The following LINS1 variants were observed in gnomAD, a reference collection of about 807,000 sequenced individuals.
LINS1 encodes the protein protein Lines homolog 1.
Under a neutral mutation model 41.6 loss-of-function variants are expected in LINS1, and 27 were observed. The observed-to-expected ratio is 0.65, with a 90% CI of 0.48 to 0.89. The LOEUF is 0.89. Ranked by LOEUF, LINS1 falls within the 40% of genes least tolerant of loss-of-function variation. The pLI is 0.00. For synonymous variants in LINS1, 336 were observed against 312.9 expected, an observed-to-expected ratio of 1.07 and a Z score of -0.78; for missense variants, 955 against 884.1, an observed-to-expected ratio of 1.08 and a Z score of -1.02.
chr15:100,573,573 C>T, intron 5 of LINS1, 78 bp downstream of exon 5: 5 of 967,938 alleles, frequency 5.2e-6, no homozygotes, highest in Non-Finnish European at 8.0e-6. Context: ...TAAACTAGTC[C>T]TGAGATTTGA....
Position 100,580,644 on chromosome 15 carries a change from C to CCA in LINS1, c.197_198dup (p.Ala67TrpfsTer6). On this transcript the variant is annotated frameshift_variant, in exon 2 of 7. Coordinates refer to ENST00000314742, the MANE Select transcript of LINS1 (RefSeq NM_001040616.3). LOFTEE classifies it high-confidence loss of function. ...CACACAGGTGCTACAGCAATGGGAG[C>CCA]CACACCAACAGAGATGGGCTGATGC... The CCA allele has an allele frequency of 6.2e-7, 1 of 1,613,934 alleles. No homozygotes were observed.
intron 1 of LINS1, among the ~76,000 whole-genome samples, chr15:100,584,298 A>G (rs1196582090): frequency 1.3e-5 from 2 of 152,246 alleles, no homozygotes; most frequent in Non-Finnish European, 2.9e-5. Flanking sequence ...TAATATTCCT[A>G]TGGGTCACTA....
chr15:100,592,102 A>G (rs2141349016), intron 1 of LINS1, among the ~76,000 whole-genome samples: 1 of 152,338 alleles, frequency 6.6e-6, no homozygotes, highest in East Asian at 1.9e-4. Flanking sequence ...GGCATACACC[A>G]AGTAATCAAT....
intron 1 of LINS1, among the ~76,000 whole-genome samples, chr15:100,591,335 A>G (rs911531764): frequency 1.1e-4 from 17 of 152,248 alleles, no homozygotes; most frequent in Non-Finnish European, 2.1e-4. Context: ...ACATGAGGAC[A>G]CCATAACCTA....
chr15:100,571,453 G>GT (rs1444914097), intron 6 of LINS1, among the ~76,000 whole-genome samples: 1 of 152,164 alleles, frequency 6.6e-6, no homozygotes, highest in Non-Finnish European at 1.5e-5. Flanking sequence ...CCTCAAGAAG[G>GT]TATCAGCCCA....
intron 5 of LINS1, chr15:100,572,503 T>C (rs568198267): frequency 3.8e-6 from 4 of 1,050,670 alleles, no homozygotes; most frequent in Admixed American, 5.0e-5. Context: ...GTTTAAAGCA[T>C]AGAAGTACTA....
chr15:100,597,263 A>T (rs2039290592), intron 1 of LINS1, among the ~76,000 whole-genome samples: 1 of 151,992 alleles, frequency 6.6e-6, no homozygotes, highest in Non-Finnish European at 1.5e-5. Context: ...TCCAAAGGCA[A>T]ATCTTTTTTT....
At position 100,567,726 on chromosome 15, in the gene LINS1, G is replaced by A. The variant is rs1249809095; in HGVS notation, c.*1512C>T. On this transcript the variant is annotated 3_prime_UTR_variant, in exon 7 of 7. Coordinates refer to ENST00000314742, the MANE Select transcript of LINS1 (RefSeq NM_001040616.3). ...TTCTTTGACGTGCTTTTTCAATTAC[G>A]GTAGAAACTGCCTTAACGCATAGCC... The A allele has an allele frequency of 6.6e-6, 1 of 152,016 alleles. No homozygotes were observed. Among genetic ancestry groups the A allele is most frequent in the Non-Finnish European group, 1.5e-5 (1 of 68,006 alleles). The allele number at this position is 152,016 out of a possible 1,614,324, so 9.4% of individuals were successfully genotyped here. A position where few individuals can be genotyped will look rare whatever the true frequency, so the allele number is the denominator to read the frequency against.
At chr15:100,601,232 T>C (rs2039479018) in intron 1 of LINS1, among the ~76,000 whole-genome samples, 1 of 152,048 alleles carries the variant, frequency 6.6e-6, no homozygotes, top group Non-Finnish European at 1.5e-5. Context: ...TTCCTAAAAC[T>C]CGGTAATTTA....
rs1404176751 is a variant in LINS1, at chr15:100,575,128, T to C, written c.490A>G (p.Ile164Val). 2 of 1,610,012 alleles carry C rather than the reference T, an allele frequency of 1.2e-6. No individual in the cohort carries two copies. The highest frequency in any genetic ancestry group is 1.3e-5 in the African/African-American group (1 of 74,870). The change falls in exon 4 of 7, where the codon ATA (isoleucine) becomes GTA (valine). Residue 164 changes from isoleucine to valine, a missense_variant and splice_region_variant. Transcript: ENST00000314742. ...GCAATCCAGGAATTACTTAAGGTTA[T>C]CTACAAGTGAGAAAATAAAGCAAGC... ...LLLYFQLREK[I>V]TLSNSWIAFC...
chr15:100,597,455 GGAGGGCCCAA>G (rs2039298623), intron 1 of LINS1, among the ~76,000 whole-genome samples: 1 of 152,112 alleles, frequency 6.6e-6, no homozygotes, highest in Non-Finnish European at 1.5e-5. Context: ...AGTGGGTCTG[GGAGGGCCCAA>G]GAATTGAACC....
intron 6 of LINS1, among the ~76,000 whole-genome samples, chr15:100,571,627 GT>G (rs1356278258): frequency 1.2e-4 from 18 of 152,310 alleles, no homozygotes; most frequent in African/African-American, 4.3e-4. Flanking sequence ...TCAGAGAAGT[GT>G]ACTGACTTAC....
chr15:100,598,857 C>A (rs1415379572), intron 1 of LINS1, among the ~76,000 whole-genome samples: 1 of 152,212 alleles, frequency 6.6e-6, no homozygotes, highest in African/African-American at 2.4e-5. Flanking sequence ...CTGCTGCCAA[C>A]TAGAGCATAA....
chr15:100,599,611 G>A (rs1013736654), intron 1 of LINS1, among the ~76,000 whole-genome samples: 3 of 152,122 alleles, frequency 2.0e-5, no homozygotes, highest in Non-Finnish European at 2.9e-5. Flanking sequence ...CATGGGTGCC[G>A]AGTCTGCTAT....
chr15:100,573,712 T>C lies in LINS1; in HGVS notation c.1161A>G (p.Leu387=), dbSNP rs2037980333. 3 of 1,612,832 alleles carry C rather than the reference T, an allele frequency of 1.9e-6. No homozygotes were observed. Among genetic ancestry groups the C allele is most frequent in the Non-Finnish European group, 2.5e-6 (3 of 1,179,188 alleles). Reference sequence around the variant, plus strand: ...TGATTTCTAAGGATTTCATTATAACTAAGCTTGCTGCTCTAAGGATCACAT... The same window carrying C: ...TGATTTCTAAGGATTTCATTATAACCAAGCTTGCTGCTCTAAGGATCACAT... ...PDHVILRAAS[L]VIMKSLEIKF... is the part of the protein sequence containing the mutation. Residue 387 remains leucine, a synonymous_variant, in exon 5 of 7, where the codon TTA becomes TTG. Transcript: ENST00000314742.
At position 100,569,825 on chromosome 15, in the gene LINS1, G is replaced by T. The variant is rs765991640; in HGVS notation, c.1687C>A (p.Leu563Ile). ...DISICGCVPS[L>I]VQDQSSNQTI... is the part of the protein sequence containing the mutation. ...TGGTTGGAGCTTTGGTCTTGGACAAGTGAGGGGACACAGCCACAAATACTT... is the reference window on the plus strand; with the variant it reads ...TGGTTGGAGCTTTGGTCTTGGACAATTGAGGGGACACAGCCACAAATACTT... Residue 563 changes from leucine (L) to isoleucine (I), a missense_variant, in exon 7 of 7, where the codon CTT becomes ATT. Coordinates refer to ENST00000314742, the MANE Select transcript of LINS1 (RefSeq NM_001040616.3). 1 of 1,614,084 alleles carries T rather than the reference G, an allele frequency of 6.2e-7. No homozygotes were observed. The highest frequency in any genetic ancestry group is 1.3e-5 in the African/African-American group (1 of 74,926).
At chr15:100,581,411 A>G (rs1350656705) in intron 1 of LINS1, among the ~76,000 whole-genome samples, 1 of 152,242 alleles carries the variant, frequency 6.6e-6, no homozygotes, top group African/African-American at 2.4e-5. Context: ...CCTGGGGGAC[A>G]AAATCACTCC....
intron 3 of LINS1, among the ~76,000 whole-genome samples, chr15:100,577,703 C>T (rs932149979): frequency 6.6e-6 from 1 of 152,202 alleles, no homozygotes; most frequent in Non-Finnish European, 1.5e-5. Flanking sequence ...CAAAAAAGAG[C>T]CTGCATTGCC....
chr15:100,587,849 T>G (rs1000784885), intron 1 of LINS1, among the ~76,000 whole-genome samples: 1 of 152,200 alleles, frequency 6.6e-6, no homozygotes, highest in African/African-American at 2.4e-5. Context: ...CTGCCTAATT[T>G]CTCCAAAATT....
Sources: gnomAD v4.1 joint callset for allele counts (sites outside exome capture counted in the v4.1 genomes callset) on GRCh38, gnomAD v4.1.1 for gene constraint, MANE v1.5 for transcripts, NCBI Gene and HGNC (gene_info 2026-07-23, HGNC 2026-07-21) for gene names.